The following GOLGB1 variants were observed in gnomAD, a reference collection of about 807,000 sequenced individuals.
The protein encoded by GOLGB1 is golgin subfamily B member 1.
Under a neutral mutation model 336.9 loss-of-function variants are expected in GOLGB1, and 174 were observed. That is an observed-to-expected ratio of 0.52 (90% CI 0.46 to 0.59). GOLGB1 has a LOEUF of 0.59. Ranked by LOEUF, GOLGB1 falls within the 20% of genes least tolerant of loss-of-function variation. The pLI is 0.00. For missense variants in GOLGB1, 3,331 were observed against 3,645.3 expected (o/e 0.91, Z 2.22); for synonymous variants, 1,208 against 1,289.2 (o/e 0.94, Z 1.35).
chr3:121,692,285 C>G lies in GOLGB1; in HGVS notation c.7079G>C (p.Ser2360Thr). 6.2e-7 allele frequency: 1 copy of G among 1,611,510 alleles called. No homozygotes were observed. The highest frequency in any genetic ancestry group is 2.2e-5 in the East Asian group (1 of 44,878). ...AAGATCAGTCTCCAGTTGTTCATAA[C>G]TGAACTTAGAATTTTGAATATCAGC... is the stretch of plus-strand genomic sequence containing the variant. ...QEADIQNSKFSYEQLETDLQA... is the reference protein window; with the variant it reads ...QEADIQNSKFTYEQLETDLQA... Residue 2360 changes from serine (S) to threonine (T), a missense_variant, in exon 14 of 22, where the codon AGT becomes ACT. Coordinates refer to ENST00000614479, the MANE Select transcript of GOLGB1 (RefSeq NM_001366282.2).
Position 121,691,996 on chromosome 3 carries a change from T to C in GOLGB1, c.7368A>G (p.Glu2456=). 1 of 1,613,816 alleles carries C rather than the reference T, an allele frequency of 6.2e-7. No homozygotes were observed. The highest frequency in any genetic ancestry group is 8.5e-7 in the Non-Finnish European group (1 of 1,179,928). Residue 2456 remains glutamate, a synonymous_variant, in exon 14 of 22, where the codon GAA becomes GAG. Transcript: ENST00000614479. ...CCAACTGTGCCTTTTGCTGAATGTT[T>C]TCCTTTTTGATGGTTTTCAGTGTTT... ...LMETLKTIKK[E]NIQQKAQLDS...
chr3:121,745,562 A>G (rs1386787528), intron 1 of GOLGB1, among the ~76,000 whole-genome samples: 1 of 151,938 alleles, frequency 6.6e-6, no homozygotes, highest in East Asian at 1.9e-4. Context: ...GTATACGTGT[A>G]TGTATATGTA....
Position 121,695,650 on chromosome 3 carries a change from G to A in GOLGB1, c.4873C>T (p.Gln1625Ter). The A allele has an allele frequency of 6.2e-7, 1 of 1,613,236 alleles. No individual in the cohort carries two copies. The highest frequency in any genetic ancestry group is 8.5e-7 in the Non-Finnish European group (1 of 1,179,916). ...ELQKEYEILLQSYENVSNEAE... is the reference protein window; with the variant it reads ...ELQKEYEILL ...TCATTACTAACATTCTCATAGGACT[G>A]CAGAAGAATTTCATACTCTTTTTGT... The change falls in exon 13 of 22, where the codon CAG becomes TAG. Residue 1625 changes from glutamine (Q) to a stop codon, truncating the protein, a stop_gained. Coordinates refer to ENST00000614479, the MANE Select transcript of GOLGB1 (RefSeq NM_001366282.2). LOFTEE classifies it high-confidence loss of function.
Position 121,691,114 on chromosome 3 carries a change from A to G in GOLGB1, c.8250T>C (p.Asn2750=). Residue 2750 remains asparagine, a synonymous_variant, in exon 14 of 22, where the codon AAT becomes AAC. Transcript: ENST00000614479. ...GTTCCTCATTGGCATGATCTCTACT[A>G]TTTTGCAAGGAACTCATAGACCTTC... The part of the protein sequence containing the change: ...SFGRSMSSLQ[N]SRDHANEELD... The G allele has an allele frequency of 6.2e-7, 1 of 1,613,966 alleles. No individual in the cohort carries two copies. The highest frequency in any genetic ancestry group is 8.5e-7 in the Non-Finnish European group (1 of 1,179,978).
rs182498304 is a variant in GOLGB1, at chr3:121,669,368, C to T, written c.9178-13G>A. 168 of 1,611,182 alleles carry T rather than the reference C, an allele frequency of 1.0e-4. 1 individual carries two copies. In the East Asian group the frequency reaches 1.6e-3, roughly 16 times the overall value. On this transcript the variant is annotated splice_polypyrimidine_tract_variant and intron_variant, in intron 17 of 21. Transcript: ENST00000614479. ...GTAGCTGAGAGAACTGAAACAGAGG[C>T]GAGGATAAGCATCATCCTGCAGTAC...
chr3:121,731,113 A>G (rs991382877), intron 1 of GOLGB1, 140 bp from the exon 2 acceptor site: 5 of 809,526 alleles, frequency 6.2e-6, no homozygotes, highest in Non-Finnish European at 9.4e-6. Flanking sequence ...CTGCAGCACA[A>G]TGATGTCTTC....
chr3:121,745,740 G>C (rs1947242263), intron 1 of GOLGB1, among the ~76,000 whole-genome samples: 1 of 152,082 alleles, frequency 6.6e-6, no homozygotes, highest in South Asian at 2.1e-4. Context: ...TCATGCCAAG[G>C]CCAGGGATTC....
intron 17 of GOLGB1, 139 bp downstream of exon 17, chr3:121,676,754 C>T: frequency 1.4e-6 from 1 of 718,332 alleles, no homozygotes; most frequent in East Asian, 2.7e-5. Context: ...AATAAGCACC[C>T]AGGTTCTGAG....
intron 15 of GOLGB1, 88 bp from the exon 16 acceptor site, chr3:121,677,538 T>C (rs1940569846): frequency 2.4e-6 from 2 of 831,196 alleles, no homozygotes; most frequent in Non-Finnish European, 3.9e-6. Flanking sequence ...ACTTTGCTTA[T>C]CTTCAAAGTT....
chr3:121,738,635 C>T (rs1946644973), intron 1 of GOLGB1, among the ~76,000 whole-genome samples: 1 of 152,136 alleles, frequency 6.6e-6, no homozygotes, highest in African/African-American at 2.4e-5. Context: ...ATAACAGGTA[C>T]CTGCCAGGGG....
chr3:121,730,382 TAAG>T (rs1261684077), intron 2 of GOLGB1, among the ~76,000 whole-genome samples: 2 of 152,070 alleles, frequency 1.3e-5, no homozygotes, highest in Admixed American at 1.3e-4. Flanking sequence ...TTCAGAAAAC[TAAG>T]AAGTTTTATT....
chr3:121,730,072 A>G (rs1945972627), intron 2 of GOLGB1, 55 bp from the exon 3 acceptor site: 1 of 1,273,650 alleles, frequency 7.9e-7, no homozygotes, highest in South Asian at 1.3e-5. Flanking sequence ...TAGCTTCCCA[A>G]CAGGAGTTTC....
intron 15 of GOLGB1, among the ~76,000 whole-genome samples, chr3:121,679,324 AT>A: frequency 6.6e-6 from 1 of 152,362 alleles, no homozygotes; most frequent in South Asian, 2.1e-4. Flanking sequence ...ACCTGCATAG[AT>A]AAAACTCTTG....
Position 121,690,880 on chromosome 3 carries a change from T to C in GOLGB1, c.8484A>G (p.Gln2828=), listed in dbSNP as rs972541562. 1 of 1,614,186 alleles carries C rather than the reference T, an allele frequency of 6.2e-7. No individual in the cohort carries two copies. Among genetic ancestry groups the C allele is most frequent in the Non-Finnish European group, 8.5e-7 (1 of 1,180,000 alleles). The change falls in exon 14 of 22, where the codon CAA becomes CAG. Residue 2828 remains glutamine (Q), a synonymous_variant. Transcript: ENST00000614479. ...KDEQLLHLSS[Q]LEDSYNQVQS... The stretch of plus-strand genomic sequence containing the variant: ...GCACTTGGTTATAAGAATCTTCTAG[T>C]TGTGAGGACAAGTGAAGCAATTGCT...
In GOLGB1 at chr3:121,721,520, T is replaced by C. The variant is rs186365439; in HGVS notation, c.648+742A>G. ...GGCACATGCCTGTAGTCCCAGCTAC[T>C]TGGGAAGCTGAGGTGAGTGAGAGGA... On this transcript the variant is annotated intron_variant, in intron 6 of 21. Coordinates refer to ENST00000614479, the MANE Select transcript of GOLGB1 (RefSeq NM_001366282.2). Among the ~76,000 whole-genome samples the C allele has an allele frequency of 1.3e-3, 198 of 152,246 alleles. 1 individual carries two copies. The highest frequency in any genetic ancestry group is 0.01 in the Middle Eastern group (3 of 294).
intron 4 of GOLGB1, among the ~76,000 whole-genome samples, chr3:121,727,839 T>C (rs191329819): frequency 4.6e-5 from 7 of 152,282 alleles, no homozygotes; most frequent in African/African-American, 1.7e-4. Context: ...TGTCATTTCT[T>C]CAACTATACT....
At position 121,671,985 on chromosome 3, in the gene GOLGB1, A is replaced by T. The variant is rs1939608704; in HGVS notation, c.9178-2630T>A. Among the ~76,000 whole-genome samples, 9 of 152,334 alleles carry T rather than the reference A, an allele frequency of 5.9e-5. No individual in the cohort carries two copies. The South Asian group carries it at 1.9e-3, about 32-fold the overall frequency. ...ACAAATGACAGAATTTCATACCTCTAAAAGCTGAATAATATTCCCTTGTGT... is the reference window on the plus strand; with the variant it reads ...ACAAATGACAGAATTTCATACCTCTTAAAGCTGAATAATATTCCCTTGTGT... On this transcript the variant is annotated intron_variant, in intron 17 of 21. Coordinates refer to ENST00000614479, the MANE Select transcript of GOLGB1 (RefSeq NM_001366282.2).
At chr3:121,737,018 T>G (rs555120099) in intron 1 of GOLGB1, among the ~76,000 whole-genome samples, 1 of 152,342 alleles carries the variant, frequency 6.6e-6, no homozygotes, top group Middle Eastern at 3.4e-3. Flanking sequence ...ATAGTTTAGT[T>G]TATGGCATTG....
intron 4 of GOLGB1, among the ~76,000 whole-genome samples, chr3:121,727,293 CATATATATAT>C (rs1235174337): frequency 1.4e-3 from 39 of 27,574 alleles, no homozygotes; most frequent in East Asian, 2.8e-3. Flanking sequence ...CACACACACA[CATATATATAT>C]ATATATATAT....
Sources: gnomAD v4.1 joint callset for allele counts (sites outside exome capture counted in the v4.1 genomes callset) on GRCh38, gnomAD v4.1.1 for gene constraint, MANE v1.5 for transcripts, NCBI Gene and HGNC (gene_info 2026-07-23, HGNC 2026-07-21) for gene names.